LIG4: variants seen among roughly 807,000 people sequenced by gnomAD.
The protein encoded by LIG4 is DNA joinase.
A neutral mutation model predicts 19.0 loss-of-function variants in LIG4; 13 were observed. The observed-to-expected ratio is 0.68, with a 90% CI of 0.44 to 1.09. The LOEUF is 1.09. LIG4 is among the 50% of genes least tolerant of loss of function. The pLI is 0.00. For missense variants in LIG4, 1,026 were observed against 1,089.7 expected (o/e 0.94, Z 0.82); for synonymous variants, 361 against 358.2 (o/e 1.01, Z -0.09).
In LIG4 at chr13:108,211,062, T is replaced by C; in HGVS notation, c.207A>G (p.Arg69=). Reference sequence around the variant, plus strand: ...CTCTTTCTAGCTGAGGAAGAATTAGTCTCATTGCTGGATAAAAAGAGTCTG... The same window carrying C: ...CTCTTTCTAGCTGAGGAAGAATTAGCCTCATTGCTGGATAAAAAGAGTCTG... ...DVTDSFYPAM[R]LILPQLERER... is the part of the protein sequence containing the mutation. Residue 69 remains arginine, a synonymous_variant, in exon 3 of 3, where the codon AGA becomes AGG. Coordinates refer to ENST00000442234, the MANE Select transcript of LIG4 (RefSeq NM_206937.2). 6.2e-7 allele frequency: 1 copy of C among 1,603,610 alleles called. No individual in the cohort carries two copies. The highest frequency in any genetic ancestry group is 8.5e-7 in the Non-Finnish European group (1 of 1,174,990).
At position 108,210,048 on chromosome 13, in the gene LIG4, TTG is replaced by T. The variant is rs1244595501; in HGVS notation, c.1219_1220del (p.Gln407SerfsTer4). 1 of 1,612,662 alleles carries T rather than the reference TTG, an allele frequency of 6.2e-7. No homozygotes were observed. Among genetic ancestry groups the T allele is most frequent in the Non-Finnish European group, 8.5e-7 (1 of 1,179,976 alleles). ...CAATTACTTCATTCTTAGTATGAGC[TTG>T]TGTTTTCTGCACTATTTCTATTCTA... ...PGRIEIVQKT[Q>X]AHTKNEVIDA... On this transcript the variant is annotated frameshift_variant, in exon 3 of 3. Transcript: ENST00000442234. LOFTEE classifies it low-confidence loss of function (END_TRUNC).
Position 108,209,879 on chromosome 13 carries a change from T to C in LIG4, c.1390A>G (p.Ile464Val), listed in dbSNP as rs767259524. The change falls in exon 3 of 3, where the codon ATT (isoleucine) becomes GTT (valine). Residue 464 changes from isoleucine (I) to valine (V), a missense_variant. Around this residue, in one of 3 missense-constraint regions of LIG4, gnomAD observed 493 missense variants for 544.5 expected, o/e 0.91. Coordinates refer to ENST00000442234, the MANE Select transcript of LIG4 (RefSeq NM_206937.2). ...YVSGLMDELD[I>V]LIVGGYWGKG... The stretch of plus-strand genomic sequence containing the variant: ...CCCCAATATCCTCCAACAATTAAAA[T>C]GTCCAATTCATCCATTAGTCCACTG... 15 of 1,614,064 alleles carry C rather than the reference T, an allele frequency of 9.3e-6. 1 individual carries two copies. The highest frequency in any genetic ancestry group is 2.2e-5 in the South Asian group (2 of 91,090).
chr13:108,213,059 T>C (rs1387753448), intron 2 of LIG4, among the ~76,000 whole-genome samples: 1 of 152,208 alleles, frequency 6.6e-6, no homozygotes, highest in African/African-American at 2.4e-5. Flanking sequence ...CTCAGTCTAA[T>C]TTCTGACAAA....
intron 1 of LIG4, among the ~76,000 whole-genome samples, chr13:108,215,140 TA>T (rs1879124258): frequency 2.9e-5 from 1 of 34,912 alleles, no homozygotes; most frequent in Non-Finnish European, 5.2e-5. Context: ...TCACAGACCC[TA>T]ACCTGACGCC....
At chr13:108,213,591 TC>T (rs1878894575) in intron 2 of LIG4, among the ~76,000 whole-genome samples, 1 of 152,238 alleles carries the variant, frequency 6.6e-6, no homozygotes, top group East Asian at 1.9e-4. Flanking sequence ...GGACTTCCAT[TC>T]ATTTTTACAT....
upstream of LIG4, among the ~76,000 whole-genome samples, chr13:108,217,565 C>T (rs1362970457): frequency 6.6e-6 from 1 of 151,478 alleles, no homozygotes; most frequent in Non-Finnish European, 1.5e-5. Context: ...GGCGTGGTGG[C>T]GGGCACCTGT....
At chr13:108,213,752 T>C (rs1283948348) in intron 2 of LIG4, among the ~76,000 whole-genome samples, 1 of 152,224 alleles carries the variant, frequency 6.6e-6, no homozygotes, top group African/African-American at 2.4e-5. Context: ...AGCTGTGTGA[T>C]ACTGGGCAAT....
chr13:108,209,637 C>A lies in LIG4; in HGVS notation c.1632G>T (p.Lys544Asn). The change falls in exon 3 of 3, where the codon AAG becomes AAT. Residue 544 changes from lysine to asparagine, a missense_variant. Lys to Asn is a moderately conservative substitution (Grantham distance 94, BLOSUM62 0). This residue lies in a region of LIG4 where 521 missense variants were observed against 515.5 expected (regional missense o/e 1.01). Coordinates refer to ENST00000442234, the MANE Select transcript of LIG4 (RefSeq NM_206937.2). Reference sequence around the variant, plus strand: ...TACAAGGTTCAATGTATACTTCTGGCTTCTCTGTTCCACATAAAATGCTGC... The same window carrying A: ...TACAAGGTTCAATGTATACTTCTGGATTCTCTGTTCCACATAAAATGCTGC... ...PPSSILCGTE[K>N]PEVYIEPCNS... 6.2e-7 allele frequency: 1 copy of A among 1,614,198 alleles called. No homozygotes were observed. The highest frequency in any genetic ancestry group is 1.1e-5 in the South Asian group (1 of 91,088).
At position 108,208,834 on chromosome 13, in the gene LIG4, A is replaced by G; in HGVS notation, c.2435T>C (p.Met812Thr). 1.2e-6 allele frequency: 2 copies of G among 1,614,192 alleles called. No individual in the cohort carries two copies. The highest frequency in any genetic ancestry group is 1.7e-6 in the Non-Finnish European group (2 of 1,180,036). The part of the protein sequence containing the change: ...RYSWDCSPLS[M>T]FRRHTVYLDS... ...CAAATAAACGGTGTGGCGTCGAAAC[A>G]TACTGAGAGGAGAGCAATCCCAGGA... The change falls in exon 3 of 3, where the codon ATG becomes ACG. Residue 812 changes from methionine to threonine, a missense_variant. Around this residue, in one of 3 missense-constraint regions of LIG4, gnomAD observed 521 missense variants for 515.5 expected, o/e 1.01. Transcript: ENST00000442234.
Position 108,209,816 on chromosome 13 carries a change from A to C in LIG4, c.1453T>G (p.Cys485Gly). 1.2e-6 allele frequency: 2 copies of C among 1,614,152 alleles called. No homozygotes were observed. The highest frequency in any genetic ancestry group is 1.7e-6 in the Non-Finnish European group (2 of 1,180,018). Residue 485 changes from cysteine to glycine, a missense_variant, in exon 3 of 3, where the codon TGT becomes GGT. Around this residue, in one of 3 missense-constraint regions of LIG4, gnomAD observed 12 missense variants for 29.6 expected, o/e 0.40. Transcript: ENST00000442234. Reference sequence around the variant, plus strand: ...GGAGGGGGCTTCTCTGCTACTGCACACAGAAAATGAGACATCATTCCACCC... The same window carrying C: ...GGAGGGGGCTTCTCTGCTACTGCACCCAGAAAATGAGACATCATTCCACCC... Reference protein sequence around the residue: ...SRGGMMSHFLCAVAEKPPPGE... With the variant: ...SRGGMMSHFLGAVAEKPPPGE...
Position 108,210,118 on chromosome 13 carries a change from T to A in LIG4, c.1151A>T (p.Lys384Met). The A allele has an allele frequency of 6.2e-7, 1 of 1,613,724 alleles. No individual in the cohort carries two copies. The highest frequency in any genetic ancestry group is 1.1e-5 in the South Asian group (1 of 91,072). ...AATACTACTAAGAATCTCATACCTC[T>A]TTCTCAGAGTCTCATGCCCTAGCTT... is the stretch of plus-strand genomic sequence containing the variant. ...NKKLGHETLR[K>M]RYEILSSIFT... Residue 384 changes from lysine (K) to methionine (M), a missense_variant, in exon 3 of 3, where the codon AAG becomes ATG. Coordinates refer to ENST00000442234, the MANE Select transcript of LIG4 (RefSeq NM_206937.2).
chr13:108,214,110 T>A (rs1374288381), intron 2 of LIG4, among the ~76,000 whole-genome samples: 1 of 152,156 alleles, frequency 6.6e-6, no homozygotes, highest in African/African-American at 2.4e-5. Flanking sequence ...CCGGCAGGTT[T>A]TATTCAGTGA....
rs1350668330 is a variant in LIG4, at chr13:108,209,658, GC to G, written c.1610del (p.Ser537ThrfsTer48). On this transcript the variant is annotated frameshift_variant, in exon 3 of 3. Transcript: ENST00000442234. LOFTEE classifies it low-confidence loss of function (END_TRUNC). Reference protein sequence around the residue: ...KPFHRKAPPSSILCGTEKPEV... With the variant: ...KPFHRKAPPSXILCGTEKPEV... ...CTGGCTTCTCTGTTCCACATAAAAT[GC>G]TGCTTGGTGGAGCTTTTCTATGAAA... 1.2e-6 allele frequency: 2 copies of G among 1,614,118 alleles called. No homozygotes were observed. Among genetic ancestry groups the G allele is most frequent in the Non-Finnish European group, 1.7e-6 (2 of 1,180,022 alleles).
Position 108,209,361 on chromosome 13 carries a change from T to C in LIG4, c.1908A>G (p.Lys636=). ...TTAAGTGCTCAATAATTCCAATAAC[T>C]TTCTTCATCTTTGGGGCAGCTTTCC... is the stretch of plus-strand genomic sequence containing the variant. ...KKRKAAPKMK[K]VIGIIEHLKA... The change falls in exon 3 of 3, where the codon AAA becomes AAG. Residue 636 remains lysine, a synonymous_variant. Coordinates refer to ENST00000442234, the MANE Select transcript of LIG4 (RefSeq NM_206937.2). The C allele has an allele frequency of 6.2e-7, 1 of 1,614,158 alleles. No individual in the cohort carries two copies. Among genetic ancestry groups the C allele is most frequent in the Non-Finnish European group, 8.5e-7 (1 of 1,180,016 alleles).
At position 108,208,706 on chromosome 13, in the gene LIG4, A is replaced by C; in HGVS notation, c.2563T>G (p.Cys855Gly). Residue 855 changes from cysteine (C) to glycine (G), a missense_variant, in exon 3 of 3, where the codon TGT (cysteine) becomes GGT (glycine). Physicochemically the swap from Cys to Gly is radical, Grantham distance 159 (BLOSUM62 -3). Coordinates refer to ENST00000442234, the MANE Select transcript of LIG4 (RefSeq NM_206937.2). ...LRFHGAKVVS[C>G]LAEGVSHVII... is the part of the protein sequence containing the mutation. ...ACATGAGACACTCCCTCAGCTAAAC[A>C]AGAAACTACTTTTGCTCCATGAAAC... 2 of 1,614,206 alleles carry C rather than the reference A, an allele frequency of 1.2e-6. No homozygotes were observed. Among genetic ancestry groups the C allele is most frequent in the Non-Finnish European group, 1.7e-6 (2 of 1,180,034 alleles).
In LIG4 at chr13:108,209,647, C is replaced by CCAAG. The variant is rs771053358; in HGVS notation, c.1621_1622insCTTG (p.Gly541AlafsTer11). The CCAAG allele has an allele frequency of 6.2e-7, 1 of 1,614,028 alleles. No individual in the cohort carries two copies. Among genetic ancestry groups the CCAAG allele is most frequent in the African/African-American group, 1.3e-5 (1 of 74,908 alleles). On this transcript the variant is annotated frameshift_variant, in exon 3 of 3. Coordinates refer to ENST00000442234, the MANE Select transcript of LIG4 (RefSeq NM_206937.2). LOFTEE classifies it low-confidence loss of function (END_TRUNC). ...AATGTATACTTCTGGCTTCTCTGTT[C>CCAAG]CACATAAAATGCTGCTTGGTGGAGC...
chr13:108,217,101 C>G (rs1354898758), upstream of LIG4, among the ~76,000 whole-genome samples: 1 of 152,186 alleles, frequency 6.6e-6, no homozygotes, highest in Non-Finnish European at 1.5e-5. Context: ...CACCACAGGC[C>G]GGGCCAGTGG....
Position 108,210,971 on chromosome 13 carries a change from G to A in LIG4, c.298C>T (p.Pro100Ser). 2.5e-6 allele frequency: 4 copies of A among 1,612,808 alleles called. No homozygotes were observed. Among genetic ancestry groups the A allele is most frequent in the Non-Finnish European group, 3.4e-6 (4 of 1,179,718 alleles). The change falls in exon 3 of 3, where the codon CCT (proline) becomes TCT (serine). Residue 100 changes from proline (P) to serine (S), a missense_variant. Pro to Ser is a moderately conservative substitution (Grantham distance 74). Coordinates refer to ENST00000442234, the MANE Select transcript of LIG4 (RefSeq NM_206937.2). ...TTGAGGGCATCTTTTCCATCTCTAG[G>A]TAAATTAAGCAACTCAATATAAAGC... The part of the protein sequence containing the change: ...AKLYIELLNL[P>S]RDGKDALKLL...
chr13:108,212,403 T>C (rs1878761178), intron 2 of LIG4, among the ~76,000 whole-genome samples: 1 of 152,202 alleles, frequency 6.6e-6, no homozygotes, highest in Non-Finnish European at 1.5e-5. Flanking sequence ...TAAATTTCTT[T>C]AGTTTTAAAT....
Sources: allele counts gnomAD v4.1 joint callset (sites outside exome capture counted in the v4.1 genomes callset), GRCh38; gene constraint gnomAD v4.1.1; regional missense constraint gnomAD v4.1.1; transcripts MANE v1.5; gene names NCBI Gene and HGNC (gene_info 2026-07-23, HGNC 2026-07-21).